Variants in NUMB observed in about 807,000 individuals in gnomAD.
NUMB encodes protein numb homolog.
Under a neutral mutation model 59.7 loss-of-function variants are expected in NUMB, and 29 were observed. The ratio of observed to expected loss-of-function variants is 0.49; its 90% CI spans 0.36 to 0.66. The LOEUF (loss-of-function observed/expected upper bound fraction) is 0.66. Ranked by LOEUF, NUMB falls within the 30% of genes least tolerant of loss-of-function variation. NUMB has a pLI of 0.00. For synonymous variants in NUMB, 288 were observed against 288.2 expected, an observed-to-expected ratio of 1.00 and a Z score of 0.01; for missense variants, 723 against 822.0, an observed-to-expected ratio of 0.88 and a Z score of 1.47.
chr14:73,403,300 T>C (rs1373068463), intron 2 of NUMB, among the ~76,000 whole-genome samples: 1 of 152,230 alleles, frequency 6.6e-6, no homozygotes, highest in African/African-American at 2.4e-5. Context: ...TTCAGATTTA[T>C]GTAAGCTTTA....
At chr14:73,357,237 T>C (rs1269932682) in intron 3 of NUMB, among the ~76,000 whole-genome samples, 1 of 150,934 alleles carries the variant, frequency 6.6e-6, no homozygotes, top group Non-Finnish European at 1.5e-5. Context: ...ACCCCGTCTC[T>C]ACTAAAAATA....
intron 1 of NUMB, among the ~76,000 whole-genome samples, chr14:73,436,883 G>A (rs1898077124): frequency 6.6e-6 from 1 of 151,432 alleles, no homozygotes; most frequent in South Asian, 2.1e-4. Flanking sequence ...GGAGGCTGAG[G>A]CAGGAGAATC....
chr14:73,363,888 A>C (rs1191939477), intron 3 of NUMB, among the ~76,000 whole-genome samples: 5 of 152,204 alleles, frequency 3.3e-5, no homozygotes, highest in African/African-American at 9.6e-5. Flanking sequence ...GTTCGAGGTT[A>C]CAGTGAGCTA....
chr14:73,361,555 C>T (rs1273244917), intron 3 of NUMB, among the ~76,000 whole-genome samples: 1 of 151,880 alleles, frequency 6.6e-6, no homozygotes, highest in Non-Finnish European at 1.5e-5. Flanking sequence ...ATTATTTCAA[C>T]ACCCAGGTAT....
intron 4 of NUMB, among the ~76,000 whole-genome samples, chr14:73,343,202 G>A (rs1453047323): frequency 6.6e-6 from 1 of 152,034 alleles, no homozygotes; most frequent in African/African-American, 2.4e-5. Flanking sequence ...AAGAACATGA[G>A]GTAGGTAAGT....
At chr14:73,285,371 G>T (rs1256415483) in intron 9 of NUMB, 1 of 151,910 alleles carries the variant, frequency 6.6e-6, no homozygotes, top group Non-Finnish European at 1.5e-5. Context: ...TTATTTGGTG[G>T]TATTAAAGAA....
chr14:73,348,525 A>G (rs1893028546), intron 4 of NUMB, among the ~76,000 whole-genome samples: 1 of 152,204 alleles, frequency 6.6e-6, no homozygotes, highest in Admixed American at 6.5e-5. Flanking sequence ...CTATCTCATC[A>G]GTGGCAGTGT....
chr14:73,308,262 A>G (rs991344737), intron 6 of NUMB, among the ~76,000 whole-genome samples: 1 of 152,150 alleles, frequency 6.6e-6, no homozygotes, highest in Non-Finnish European at 1.5e-5. Context: ...TGTAGGGTAT[A>G]AGAAAAAGAG....
chr14:73,435,343 G>A (rs1045290431), intron 1 of NUMB, among the ~76,000 whole-genome samples: 4 of 144,348 alleles, frequency 2.8e-5, no homozygotes, highest in Non-Finnish European at 6.0e-5. Flanking sequence ...GCGCGATCTC[G>A]ACTCACTACA....
chr14:73,279,954 C>T (rs975779589), intron 11 of NUMB, among the ~76,000 whole-genome samples: 1 of 152,152 alleles, frequency 6.6e-6, no homozygotes, highest in African/African-American at 2.4e-5. Context: ...GTCAGGAGTT[C>T]GAGACCAGCC....
At chr14:73,427,700 T>C (rs1482918804) in intron 1 of NUMB, among the ~76,000 whole-genome samples, 1 of 152,142 alleles carries the variant, frequency 6.6e-6, no homozygotes, top group Non-Finnish European at 1.5e-5. Flanking sequence ...ATGTCTTGAA[T>C]AACATTCCAA....
At position 73,345,974 on chromosome 14, in the gene NUMB, T is replaced by C. The variant is rs983411578; in HGVS notation, c.126+9652A>G. Among the ~76,000 whole-genome samples, 10 of 152,100 alleles carry C rather than the reference T, an allele frequency of 6.6e-5. 1 individual carries two copies. The highest frequency in any genetic ancestry group is 2.1e-4 in the South Asian group (1 of 4,820). ...ATTCATTTTAAAATAATTAACTCCA[T>C]TGTGTGGTAACTTGAATAGCATATT... is the stretch of plus-strand genomic sequence containing the variant. On this transcript the variant is annotated intron_variant, in intron 4 of 12. Transcript: ENST00000555238.
chr14:73,345,366 G>A (rs772785562), intron 4 of NUMB, among the ~76,000 whole-genome samples: 2 of 152,018 alleles, frequency 1.3e-5, no homozygotes, highest in African/African-American at 2.4e-5. Flanking sequence ...GGTGATGGTC[G>A]AAAAACTACC....
At chr14:73,289,642 AC>A (rs760481027) in intron 8 of NUMB, among the ~76,000 whole-genome samples, 4 of 152,226 alleles carry the variant, frequency 2.6e-5, no homozygotes, top group Non-Finnish European at 5.9e-5. Context: ...AGATTTTACT[AC>A]CTTTGACTAC....
intron 7 of NUMB, among the ~76,000 whole-genome samples, chr14:73,293,665 A>G (rs1331691312): frequency 6.6e-6 from 1 of 152,184 alleles, no homozygotes; most frequent in Admixed American, 6.5e-5. Flanking sequence ...TGCTGGGATT[A>G]CAGGCACGAG....
intron 6 of NUMB, among the ~76,000 whole-genome samples, chr14:73,299,558 T>TATGTCATATATATGACATGACATATGTC (rs1430743774): frequency 5.5e-5 from 7 of 127,884 alleles, no homozygotes; most frequent in Admixed American, 8.3e-5. Flanking sequence ...ATGTATCATA[T>TATGTCATATATATGACATGACATATGTC]ATGTCATATA....
intron 2 of NUMB, among the ~76,000 whole-genome samples, chr14:73,393,293 C>G (rs1168652030): frequency 6.6e-6 from 1 of 151,844 alleles, no homozygotes; most frequent in Admixed American, 6.5e-5. Context: ...GTCTACCACA[C>G]TGTAGTGGAA....
chr14:73,428,812 T>C (rs1212637577), intron 1 of NUMB, among the ~76,000 whole-genome samples: 1 of 151,620 alleles, frequency 6.6e-6, no homozygotes, highest in Admixed American at 6.6e-5. Flanking sequence ...ACCCTGTCTC[T>C]ACAACATGAA....
intron 1 of NUMB, among the ~76,000 whole-genome samples, chr14:73,435,279 T>A (rs1898002515): frequency 6.7e-6 from 1 of 148,190 alleles, no homozygotes; most frequent in Admixed American, 6.7e-5. Flanking sequence ...TACTTTTTTT[T>A]TTTTTTTTTT....
Sources: gnomAD v4.1 joint callset for allele counts (sites outside exome capture counted in the v4.1 genomes callset) on GRCh38, gnomAD v4.1.1 for gene constraint, MANE v1.5 for transcripts, NCBI Gene and HGNC (gene_info 2026-07-23, HGNC 2026-07-21) for gene names.